TRAPPC9: variants seen among roughly 807,000 people sequenced by gnomAD.
TRAPPC9 encodes trafficking protein particle complex subunit 9.
In TRAPPC9, 83 loss-of-function variants were observed where a neutral mutation model predicts 124.0. The ratio of observed to expected loss-of-function variants is 0.67; its 90% CI spans 0.56 to 0.80. The LOEUF is 0.80. TRAPPC9 is among the 30% of genes least tolerant of loss of function. The pLI is 0.00. For synonymous variants in TRAPPC9, 638 were observed against 617.5 expected, an observed-to-expected ratio of 1.03 and a Z score of -0.49; for missense variants, 1,302 against 1,508.3, an observed-to-expected ratio of 0.86 and a Z score of 2.27.
intron 4 of TRAPPC9, among the ~76,000 whole-genome samples, chr8:140,432,647 C>A (rs1179402889): frequency 2.0e-5 from 3 of 151,268 alleles, no homozygotes; most frequent in Admixed American, 2.0e-4. Flanking sequence ...CCGAGGCGGG[C>A]AGATCATGAA....
chr8:140,407,871 C>T (rs760694782), intron 5 of TRAPPC9, among the ~76,000 whole-genome samples: 7 of 152,196 alleles, frequency 4.6e-5, no homozygotes, highest in Non-Finnish European at 8.8e-5. Context: ...ATCTGTCCAA[C>T]TCGACCTCCC....
intron 16 of TRAPPC9, among the ~76,000 whole-genome samples, chr8:140,233,544 C>T (rs1201015758): frequency 3.3e-5 from 5 of 150,642 alleles, no homozygotes; most frequent in Non-Finnish European, 5.9e-5. Flanking sequence ...TCCCCTCCCT[C>T]CCTTCCTCTC....
intron 17 of TRAPPC9, among the ~76,000 whole-genome samples, chr8:140,025,979 T>C (rs1174703381): frequency 6.6e-6 from 1 of 152,130 alleles, no homozygotes; most frequent in Non-Finnish European, 1.5e-5. Context: ...AAACTGACCC[T>C]CTGAACCCAT....
intron 19 of TRAPPC9, among the ~76,000 whole-genome samples, chr8:139,961,644 G>C (rs1370760372): frequency 8.1e-6 from 1 of 122,738 alleles, no homozygotes; most frequent in African/African-American, 2.6e-5. Flanking sequence ...TGCACCCTTG[G>C]GGGCCCCAGA....
chr8:139,963,661 C>G (rs1835489056), intron 19 of TRAPPC9, among the ~76,000 whole-genome samples: 1 of 148,390 alleles, frequency 6.7e-6, no homozygotes, highest in African/African-American at 2.5e-5. Context: ...CATGCTACAG[C>G]ATACCTGCAA....
chr8:140,088,484 AC>A (rs1844348052), intron 17 of TRAPPC9, among the ~76,000 whole-genome samples: 1 of 152,240 alleles, frequency 6.6e-6, no homozygotes, highest in African/African-American at 2.4e-5. Flanking sequence ...GAGGACTGGG[AC>A]CTTTTGAAAT....
intron 17 of TRAPPC9, among the ~76,000 whole-genome samples, chr8:140,083,911 C>T (rs769868909): frequency 9.2e-5 from 14 of 152,056 alleles, no homozygotes; most frequent in Non-Finnish European, 1.3e-4. Flanking sequence ...GTGATCCGCC[C>T]GTCTCAGCCT....
intron 21 of TRAPPC9, among the ~76,000 whole-genome samples, chr8:139,875,944 C>A (rs77060015): frequency 0.027 from 4,171 of 152,076 alleles, 188 homozygotes; most frequent in African/African-American, 0.095. Context: ...TGGGCAAGCC[C>A]AGCTGCCAGG....
chr8:140,020,968 C>T (rs1279237680), intron 18 of TRAPPC9, among the ~76,000 whole-genome samples: 2 of 152,098 alleles, frequency 1.3e-5, no homozygotes, highest in African/African-American at 4.8e-5. Context: ...TATGTCTTTT[C>T]CTTCATCTTT....
intron 17 of TRAPPC9, among the ~76,000 whole-genome samples, chr8:140,108,516 G>A (rs979972419): frequency 2.0e-5 from 3 of 152,174 alleles, no homozygotes; most frequent in Admixed American, 6.5e-5. Context: ...GCTCCCGCTC[G>A]CCCCCCTTGC....
chr8:140,122,859 G>A (rs1008328413), intron 17 of TRAPPC9, among the ~76,000 whole-genome samples: 12 of 152,324 alleles, frequency 7.9e-5, no homozygotes, highest in South Asian at 4.2e-4. Context: ...GAAGGGCCCC[G>A]ATGATTTTGT....
At chr8:140,415,740 G>A (rs1564009019) in intron 5 of TRAPPC9, among the ~76,000 whole-genome samples, 2 of 152,114 alleles carry the variant, frequency 1.3e-5, no homozygotes, top group Non-Finnish European at 2.9e-5. Flanking sequence ...AAGCAGAGGT[G>A]AGAAGATCAC....
chr8:140,321,130 C>G (rs2066581390), intron 9 of TRAPPC9, among the ~76,000 whole-genome samples: 2 of 152,230 alleles, frequency 1.3e-5, no homozygotes, highest in Non-Finnish European at 2.9e-5. Flanking sequence ...ACCACTTCAC[C>G]CCGGGAGTGG....
intron 21 of TRAPPC9, among the ~76,000 whole-genome samples, chr8:139,787,433 A>G (rs997219469): frequency 7.2e-5 from 11 of 152,016 alleles, no homozygotes; most frequent in African/African-American, 2.2e-4. Context: ...AAGAGATGAC[A>G]CCTTCCCTAA....
chr8:140,036,728 C>A (rs531219999), intron 17 of TRAPPC9, among the ~76,000 whole-genome samples: 5 of 152,282 alleles, frequency 3.3e-5, no homozygotes, highest in African/African-American at 1.2e-4. Context: ...GCCCATCTGT[C>A]CAGAGAGAGA....
chr8:140,428,331 G>A (rs887741855), intron 4 of TRAPPC9, among the ~76,000 whole-genome samples: 38 of 152,126 alleles, frequency 2.5e-4, no homozygotes, highest in African/African-American at 8.7e-4. Context: ...TTAATGTAAC[G>A]GGAGACACAA....
chr8:140,343,500 G>T (rs1490198080), intron 9 of TRAPPC9, among the ~76,000 whole-genome samples: 1 of 152,224 alleles, frequency 6.6e-6, no homozygotes, highest in Non-Finnish European at 1.5e-5. Context: ...GCCGCGAAAG[G>T]ACGCAGAATT....
In TRAPPC9 at chr8:140,124,137, C is replaced by A. The variant is rs549831654; in HGVS notation, c.2556+97322G>T. Among the ~76,000 whole-genome samples, 81 of 152,324 alleles carry A rather than the reference C, an allele frequency of 5.3e-4. 1 individual carries two copies. The highest frequency in any genetic ancestry group is 1.8e-3 in the African/African-American group (75 of 41,570). ...TATTAGGTTCCTATTGCTGTTATGA[C>A]AAATGATCACATATTTAGTGGCTTA... On this transcript the variant is annotated intron_variant, in intron 17 of 22. Transcript: ENST00000438773.
intron 19 of TRAPPC9, chr8:139,911,243 T>C (rs530206445): frequency 1.3e-5 from 2 of 152,252 alleles, no homozygotes; most frequent in South Asian, 2.1e-4. Flanking sequence ...ATGTAAGACG[T>C]GACTTGCTCC....
Sources: gnomAD v4.1 joint callset for allele counts (sites outside exome capture counted in the v4.1 genomes callset) on GRCh38, gnomAD v4.1.1 for gene constraint, MANE v1.5 for transcripts, NCBI Gene and HGNC (gene_info 2026-07-23, HGNC 2026-07-21) for gene names.